Variants in IL1RAPL1 observed in about 807,000 individuals in gnomAD.
The protein encoded by IL1RAPL1 is interleukin 1 receptor accessory protein like 1.
A neutral mutation model predicts 48.4 loss-of-function variants in IL1RAPL1; 3 were observed. The ratio of observed to expected loss-of-function variants is 0.06; its 90% confidence interval spans 0.03 to 0.16. The LOEUF is 0.16. Among genes scored for constraint, IL1RAPL1 ranks in the 10% least tolerant of loss-of-function variants. The probability of loss-of-function intolerance (pLI) is 1.00; values close to 1 mark genes in which losing one functional copy is unlikely to be tolerated. For missense variants in IL1RAPL1, 349 were observed against 530.6 expected (o/e 0.66, Z 3.36); for synonymous variants, 185 against 187.7 (o/e 0.99, Z 0.12).
intron 5 of IL1RAPL1, among the ~76,000 whole-genome samples, chrX:29,525,126 T>C (rs1935540304): frequency 8.9e-6 from 1 of 112,268 alleles, no homozygotes; most frequent in Non-Finnish European, 1.9e-5. Flanking sequence ...CCAAGTACAC[T>C]TGAAGTTCCC....
chrX:28,881,075 T>G (rs1202797404), intron 2 of IL1RAPL1, among the ~76,000 whole-genome samples: 1 of 111,566 alleles, frequency 9.0e-6, no homozygotes, highest in African/African-American at 3.3e-5. Flanking sequence ...GCCCAATGAT[T>G]TGCTTACTAG....
At chrX:29,079,135 T>C (rs1485883058) in intron 2 of IL1RAPL1, among the ~76,000 whole-genome samples, 2 of 111,748 alleles carry the variant, frequency 1.8e-5, no homozygotes, top group African/African-American at 6.5e-5. Flanking sequence ...TGCATAGATT[T>C]TTCTGGACCA....
intron 6 of IL1RAPL1, among the ~76,000 whole-genome samples, chrX:29,902,345 A>G (rs1409527859): frequency 1.8e-5 from 2 of 110,994 alleles, no homozygotes; most frequent in African/African-American, 6.6e-5. Flanking sequence ...TCATGCAGGT[A>G]GAAAACAGCC....
chrX:28,920,126 A>AT (rs749225977), intron 2 of IL1RAPL1, among the ~76,000 whole-genome samples: 113 of 111,561 alleles, frequency 1.0e-3, no homozygotes, highest in African/African-American at 3.3e-3. Context: ...CAGTTATATC[A>AT]TTTTTTTCTG....
At chrX:29,163,848 G>A (rs1335511509) in intron 2 of IL1RAPL1, among the ~76,000 whole-genome samples, 2 of 111,492 alleles carry the variant, frequency 1.8e-5, no homozygotes, top group Admixed American at 9.6e-5. Context: ...GAAAATTTCT[G>A]GTAGAAAATA....
At chrX:29,725,801 C>T (rs932699279) in intron 6 of IL1RAPL1, among the ~76,000 whole-genome samples, 8 of 112,324 alleles carry the variant, frequency 7.1e-5, no homozygotes, top group East Asian at 2.8e-4. Flanking sequence ...TTTTGTTCTA[C>T]GACAGCTAGG....
intron 6 of IL1RAPL1, among the ~76,000 whole-genome samples, chrX:29,840,038 A>G (rs1931104303): frequency 8.9e-6 from 1 of 112,225 alleles, no homozygotes; most frequent in Admixed American, 9.4e-5. Flanking sequence ...AATCTGTGTT[A>G]ATAAAGCCTA....
chrX:29,786,025 C>CGGGGGGGG (rs1256391876), intron 6 of IL1RAPL1, among the ~76,000 whole-genome samples: 2 of 10,158 alleles, frequency 2.0e-4, no homozygotes, highest in African/African-American at 3.1e-4. Context: ...AAAAGGCGGG[C>CGGGGGGGG]GGGGGGGTGG....
intron 5 of IL1RAPL1, among the ~76,000 whole-genome samples, chrX:29,656,988 C>T (rs915272901): frequency 4.5e-5 from 5 of 110,880 alleles, no homozygotes; most frequent in African/African-American, 1.3e-4. Flanking sequence ...TCCCCGTACC[C>T]TATCATACCT....
chrX:28,879,243 A>G (rs1213549560), intron 2 of IL1RAPL1, among the ~76,000 whole-genome samples: 1 of 111,464 alleles, frequency 9.0e-6, no homozygotes, highest in Admixed American at 9.6e-5. Flanking sequence ...GAGACCCCAT[A>G]TTGCTTAACA....
intron 1 of IL1RAPL1, among the ~76,000 whole-genome samples, chrX:28,756,361 C>G (rs1936104944): frequency 9.0e-6 from 1 of 111,714 alleles, no homozygotes; most frequent in Non-Finnish European, 1.9e-5. Context: ...TGTGGTATCA[C>G]TGCACTCCAG....
chrX:28,693,024 G>A (rs1245365221), intron 1 of IL1RAPL1, among the ~76,000 whole-genome samples: 1 of 111,923 alleles, frequency 8.9e-6, no homozygotes, highest in South Asian at 3.7e-4. Flanking sequence ...AGCACCCACT[G>A]CTGTCAATTT....
At chrX:28,612,018 C>A (rs1489505793) in intron 1 of IL1RAPL1, among the ~76,000 whole-genome samples, 1 of 112,115 alleles carries the variant, frequency 8.9e-6, no homozygotes, top group East Asian at 2.8e-4. Context: ...TGCCTTCATG[C>A]TACAACTGCA....
At chrX:29,478,499 A>G (rs1935002031) in intron 5 of IL1RAPL1, among the ~76,000 whole-genome samples, 1 of 111,001 alleles carries the variant, frequency 9.0e-6, no homozygotes, top group Non-Finnish European at 1.9e-5. Context: ...TCAACAGCCA[A>G]TCGGCCAGTC....
intron 2 of IL1RAPL1, among the ~76,000 whole-genome samples, chrX:29,222,839 A>G (rs893862399): frequency 3.6e-5 from 4 of 111,308 alleles, no homozygotes; most frequent in Non-Finnish European, 7.5e-5. Context: ...GCAGTTTTAG[A>G]CCTAGACTGA....
chrX:29,691,745 C>T (rs1036661920), intron 6 of IL1RAPL1, among the ~76,000 whole-genome samples: 9 of 73,513 alleles, frequency 1.2e-4, no homozygotes, highest in Non-Finnish European at 1.6e-4. Flanking sequence ...AGCGAGACTC[C>T]GTCTCAAAAA....
At chrX:29,752,083 T>TATATATATATATATATATACAC (rs1928489813) in intron 6 of IL1RAPL1, among the ~76,000 whole-genome samples, 1 of 93,461 alleles carries the variant, frequency 1.1e-5, no homozygotes, top group Non-Finnish European at 2.1e-5. Flanking sequence ...TGTGTATGTA[T>TATATATATATATATATATACAC]ATATATATAT....
At chrX:28,952,398 T>C (rs1013053477) in intron 2 of IL1RAPL1, among the ~76,000 whole-genome samples, 1 of 111,521 alleles carries the variant, frequency 9.0e-6, no homozygotes, top group African/African-American at 3.2e-5. Flanking sequence ...AAATGTAACA[T>C]ACATAAGGAC....
chrX:29,347,754 T>C (rs1451992148), intron 3 of IL1RAPL1, among the ~76,000 whole-genome samples: 2 of 111,722 alleles, frequency 1.8e-5, no homozygotes, highest in African/African-American at 6.5e-5. Flanking sequence ...GGCTTCTCTT[T>C]GGCATATCCA....
Sources: allele counts gnomAD v4.1 joint callset (sites outside exome capture counted in the v4.1 genomes callset), GRCh38; gene constraint gnomAD v4.1.1; transcripts MANE v1.5; gene names NCBI Gene and HGNC (gene_info 2026-07-23, HGNC 2026-07-21).